CNTNAP5: variants seen among roughly 807,000 people sequenced by gnomAD.
CNTNAP5 encodes the protein contactin associated protein family member 5.
Under a neutral mutation model 150.2 loss-of-function variants are expected in CNTNAP5, and 72 were observed. The observed-to-expected ratio is 0.48, with a 90% CI of 0.40 to 0.58. The LOEUF (loss-of-function observed/expected upper bound fraction) is 0.58. Among genes scored for constraint, CNTNAP5 ranks in the 20% least tolerant of loss-of-function variants. CNTNAP5 has a pLI of 0.00. For synonymous variants in CNTNAP5, 672 were observed against 619.8 expected (o/e 1.08, Z -1.25); for missense variants, 1,636 against 1,626.2 (o/e 1.01, Z -0.10).
intron 13 of CNTNAP5, among the ~76,000 whole-genome samples, chr2:124,686,373 A>C (rs1679193652): frequency 6.6e-6 from 1 of 152,178 alleles, no homozygotes. Context: ...TTCTGGAAGC[A>C]AATTAGTCTT....
chr2:124,611,096 C>T (rs1427827984), intron 12 of CNTNAP5, among the ~76,000 whole-genome samples: 3 of 152,088 alleles, frequency 2.0e-5, no homozygotes, highest in Non-Finnish European at 4.4e-5. Flanking sequence ...GAAGCAGGAA[C>T]GTAGGGGCCT....
chr2:124,264,983 A>G (rs1236114629), intron 3 of CNTNAP5, among the ~76,000 whole-genome samples: 1 of 152,214 alleles, frequency 6.6e-6, no homozygotes, highest in Admixed American at 6.5e-5. Flanking sequence ...ATGAAGCGTC[A>G]GTAACACAGA....
intron 14 of CNTNAP5, among the ~76,000 whole-genome samples, chr2:124,754,162 G>A (rs566793465): frequency 8.5e-5 from 13 of 152,176 alleles, no homozygotes; most frequent in African/African-American, 3.1e-4. Context: ...CATTAAGGGC[G>A]CCTTAGACCA....
chr2:124,401,325 C>T (rs1457817906), intron 3 of CNTNAP5, among the ~76,000 whole-genome samples: 1 of 152,244 alleles, frequency 6.6e-6, no homozygotes, highest in African/African-American at 2.4e-5. Context: ...AACAATTTCT[C>T]TTCTGAATCA....
intron 1 of CNTNAP5, among the ~76,000 whole-genome samples, chr2:124,033,567 G>A (rs1245431615): frequency 2.6e-5 from 4 of 152,108 alleles, no homozygotes; most frequent in African/African-American, 4.8e-5. Context: ...TCAGATGTAC[G>A]ATAAAAGGGT....
At chr2:124,794,133 T>C (rs1405328808) in intron 18 of CNTNAP5, among the ~76,000 whole-genome samples, 1 of 152,224 alleles carries the variant, frequency 6.6e-6, no homozygotes, top group African/African-American at 2.4e-5. Flanking sequence ...ATGATTGCAA[T>C]ATGTTCCATC....
At chr2:124,035,237 T>C (rs1475362367) in intron 1 of CNTNAP5, among the ~76,000 whole-genome samples, 1 of 152,176 alleles carries the variant, frequency 6.6e-6, no homozygotes, top group Non-Finnish European at 1.5e-5. Context: ...ATCATTCCTT[T>C]ACTCTTGCTC....
At chr2:124,606,589 C>G (rs1289133582) in intron 11 of CNTNAP5, among the ~76,000 whole-genome samples, 1 of 151,976 alleles carries the variant, frequency 6.6e-6, no homozygotes, top group Non-Finnish European at 1.5e-5. Context: ...AAAAACATAC[C>G]TGAGACTGCG....
chr2:124,463,832 T>C (rs1693312462), intron 6 of CNTNAP5, among the ~76,000 whole-genome samples: 1 of 152,134 alleles, frequency 6.6e-6, no homozygotes. Flanking sequence ...ACTGTGTGTG[T>C]GGCACTTAGA....
At chr2:124,408,940 G>A (rs1180752134) in intron 3 of CNTNAP5, among the ~76,000 whole-genome samples, 1 of 151,790 alleles carries the variant, frequency 6.6e-6, no homozygotes, top group Non-Finnish European at 1.5e-5. Flanking sequence ...ATTACTCTGA[G>A]CTATGGGAGG....
intron 12 of CNTNAP5, among the ~76,000 whole-genome samples, chr2:124,646,228 G>T (rs964889877): frequency 6.6e-6 from 1 of 152,166 alleles, no homozygotes; most frequent in Admixed American, 6.5e-5. Flanking sequence ...CCCAAGTTGT[G>T]TACAGAGCTA....
At chr2:124,716,619 A>G (rs545710828) in intron 13 of CNTNAP5, among the ~76,000 whole-genome samples, 3 of 152,172 alleles carry the variant, frequency 2.0e-5, no homozygotes, top group South Asian at 4.1e-4. Context: ...ATTTCTCTAT[A>G]CTCCTTCCAT....
chr2:124,132,242 A>G (rs58814530), intron 1 of CNTNAP5, among the ~76,000 whole-genome samples: 1 of 152,144 alleles, frequency 6.6e-6, no homozygotes, highest in Admixed American at 6.5e-5. Context: ...TGCTGAGTAT[A>G]AGAATACACA....
intron 1 of CNTNAP5, among the ~76,000 whole-genome samples, chr2:124,103,233 G>A (rs1199943756): frequency 6.6e-6 from 1 of 152,100 alleles, no homozygotes; most frequent in East Asian, 1.9e-4. Flanking sequence ...TGTGTTTTAA[G>A]CTCAGTGCCG....
chr2:124,076,498 AC>A (rs1268018579), intron 1 of CNTNAP5, among the ~76,000 whole-genome samples: 3 of 152,082 alleles, frequency 2.0e-5, no homozygotes, highest in Non-Finnish European at 4.4e-5. Context: ...AATTTGGTTG[AC>A]ACTTTGAAGC....
chr2:124,690,790 TC>T (rs1394684845), intron 13 of CNTNAP5, among the ~76,000 whole-genome samples: 1 of 152,074 alleles, frequency 6.6e-6, no homozygotes, highest in Non-Finnish European at 1.5e-5. Context: ...CTCAAAGCCT[TC>T]CTTAATGTCT....
chr2:124,446,537 T>C (rs868587335), intron 5 of CNTNAP5, among the ~76,000 whole-genome samples: 1 of 152,174 alleles, frequency 6.6e-6, no homozygotes, highest in African/African-American at 2.4e-5. Flanking sequence ...ACATGCCCTA[T>C]TTTGTCTGGA....
intron 1 of CNTNAP5, among the ~76,000 whole-genome samples, chr2:124,158,840 A>G (rs945380807): frequency 3.9e-5 from 6 of 152,190 alleles, no homozygotes; most frequent in Non-Finnish European, 7.3e-5. Flanking sequence ...TTAAACCTCA[A>G]GAGCGCCTGG....
At chr2:124,861,797 T>G (rs1677529631) in intron 19 of CNTNAP5, among the ~76,000 whole-genome samples, 1 of 152,076 alleles carries the variant, frequency 6.6e-6, no homozygotes, top group African/African-American at 2.4e-5. Context: ...ATTAGTTTTA[T>G]TTTTATTTAT....
Sources: gnomAD v4.1 joint callset for allele counts (sites outside exome capture counted in the v4.1 genomes callset) on GRCh38, gnomAD v4.1.1 for gene constraint, MANE v1.5 for transcripts, NCBI Gene and HGNC (gene_info 2026-07-23, HGNC 2026-07-21) for gene names.